The following SSBP3 variants were observed in gnomAD, a reference collection of about 807,000 sequenced individuals.
SSBP3 encodes the protein single-stranded DNA-binding protein 3.
A neutral mutation model predicts 69.6 loss-of-function variants in SSBP3; 5 were observed. That is an observed-to-expected ratio of 0.07 (90% CI 0.04 to 0.15). The LOEUF (loss-of-function observed/expected upper bound fraction) is 0.15. Ranked by LOEUF, SSBP3 falls within the 10% of genes least tolerant of loss-of-function variation. The pLI is 1.00. For missense variants in SSBP3, 312 were observed against 534.0 expected (o/e 0.58, Z 4.10); for synonymous variants, 196 against 193.4 (o/e 1.01, Z -0.11).
chr1:54,235,448 A>ATTTTTTTTT (rs71580002), intron 14 of SSBP3, among the ~76,000 whole-genome samples: 18 of 69,918 alleles, frequency 2.6e-4, no homozygotes, highest in African/African-American at 7.2e-4. Context: ...TGCCCGGCTG[A>ATTTTTTTTT]TTTTTTTTTT....
At chr1:54,279,389 T>C (rs1291038467) in intron 5 of SSBP3, among the ~76,000 whole-genome samples, 2 of 152,208 alleles carry the variant, frequency 1.3e-5, no homozygotes, top group Non-Finnish European at 2.9e-5. Flanking sequence ...TGGACGATTA[T>C]ACCAAAGCAG....
intron 14 of SSBP3, chr1:54,238,800 T>G: frequency 2.7e-6 from 1 of 371,838 alleles, no homozygotes; most frequent in East Asian, 7.0e-5. Context: ...CACAGCCAGT[T>G]TGCTGGGCAG....
At chr1:54,393,424 T>A (rs1648639753) in intron 4 of SSBP3, among the ~76,000 whole-genome samples, 1 of 152,096 alleles carries the variant, frequency 6.6e-6, no homozygotes, top group Admixed American at 6.5e-5. Flanking sequence ...GCTGGCCCCT[T>A]ATTATCAATC....
At chr1:54,301,894 A>G (rs931328687) in intron 4 of SSBP3, among the ~76,000 whole-genome samples, 1 of 152,204 alleles carries the variant, frequency 6.6e-6, no homozygotes, top group African/African-American at 2.4e-5. Flanking sequence ...TGGGTTTAGA[A>G]TCCTACCCAA....
intron 4 of SSBP3, among the ~76,000 whole-genome samples, chr1:54,304,233 G>A (rs979824922): frequency 1.3e-5 from 2 of 152,208 alleles, no homozygotes; most frequent in African/African-American, 4.8e-5. Flanking sequence ...CTTCGACCTA[G>A]AGTCTTTGGC....
Position 54,250,414 on chromosome 1 carries a change from T to TG in SSBP3, c.651+1201dup, listed in dbSNP as rs553680069. ...GATGGAGCAGAGGGCTGTGGTTCTG[T>TG]GGGGCGGATTCTGGGATGGAGCAGA... On this transcript the variant is annotated intron_variant, in intron 9 of 17. Transcript: ENST00000610401. 2.3e-3 allele frequency among the ~76,000 whole-genome samples: 352 copies of TG among 151,554 alleles called. 3 individuals are homozygous for TG. Among genetic ancestry groups the TG allele is most frequent in the African/African-American group, 7.4e-3 (306 of 41,190 alleles).
intron 7 of SSBP3, among the ~76,000 whole-genome samples, chr1:54,255,150 C>CG (rs1346561193): frequency 0.094 from 125 of 1,332 alleles, 1 homozygote; most frequent in African/African-American, 0.23. Flanking sequence ...ATTTCTATTG[C>CG]GGGGGGGCGG....
intron 14 of SSBP3, among the ~76,000 whole-genome samples, chr1:54,229,916 A>G (rs1300621184): frequency 1.3e-5 from 2 of 152,210 alleles, no homozygotes; most frequent in African/African-American, 4.8e-5. Context: ...AGACAGCTGC[A>G]AAGTACAGCT....
At position 54,402,043 on chromosome 1, in the gene SSBP3, C is replaced by T. The variant is rs1039450524; in HGVS notation, c.192-98G>A. ...CATGGCGCTAACAGTACTAGGTCTCCCAAAGGCTCAATCCCACCTTATCAG... is the reference window on the plus strand; with the variant it reads ...CATGGCGCTAACAGTACTAGGTCTCTCAAAGGCTCAATCCCACCTTATCAG... On this transcript the variant is annotated intron_variant, in intron 3 of 17. Transcript: ENST00000610401. The T allele has an allele frequency of 6.9e-6, 7 of 1,016,208 alleles. No homozygotes were observed. The African/African-American group carries it at 9.5e-5, about 14-fold the overall frequency. The allele number at this position is 1,016,208 out of a possible 1,614,324, so 62.9% of individuals were successfully genotyped here. A position where few individuals can be genotyped will look rare whatever the true frequency, so the allele number is the denominator to read the frequency against.
intron 4 of SSBP3, among the ~76,000 whole-genome samples, chr1:54,302,235 C>T (rs538607138): frequency 2.6e-5 from 4 of 152,286 alleles, no homozygotes; most frequent in Admixed American, 6.5e-5. Flanking sequence ...CCCCTGCCCC[C>T]GGTGCTTAGT....
At chr1:54,228,459 C>A in exon 16 of SSBP3, 6 of 1,614,206 alleles carry the variant, frequency 3.7e-6, no homozygotes, top group Non-Finnish European at 5.1e-6. Context: ...TTTTGGAAGT[C>A]CGTCTATGTC....
intron 4 of SSBP3, among the ~76,000 whole-genome samples, chr1:54,284,185 C>T (rs1049974278): frequency 7.5e-5 from 11 of 145,948 alleles, no homozygotes; most frequent in Admixed American, 7.0e-4. Context: ...CCTCCCACCT[C>T]AGCTTCCCAA....
intron 4 of SSBP3, among the ~76,000 whole-genome samples, chr1:54,371,929 C>T (rs539543845): frequency 9.2e-5 from 14 of 152,316 alleles, no homozygotes; most frequent in African/African-American, 2.6e-4. Context: ...ACATCTCATA[C>T]AGCCAACTCC....
intron 4 of SSBP3, among the ~76,000 whole-genome samples, chr1:54,352,572 T>C (rs887912381): frequency 6.6e-6 from 1 of 152,124 alleles, no homozygotes. Flanking sequence ...TATGGGGTCT[T>C]ACTATAGTAA....
chr1:54,323,033 C>T (rs1308065105), intron 4 of SSBP3, among the ~76,000 whole-genome samples: 2 of 152,168 alleles, frequency 1.3e-5, no homozygotes, highest in Admixed American at 6.5e-5. Context: ...GGAGGAGACT[C>T]CAAACTTCCA....
chr1:54,232,039 T>G (rs1644388500), intron 14 of SSBP3, among the ~76,000 whole-genome samples: 1 of 152,212 alleles, frequency 6.6e-6, no homozygotes, highest in Non-Finnish European at 1.5e-5. Context: ...AAGGACACAG[T>G]TCAATCTCAT....
At chr1:54,232,188 G>A (rs1644391350) in intron 14 of SSBP3, among the ~76,000 whole-genome samples, 1 of 152,192 alleles carries the variant, frequency 6.6e-6, no homozygotes, top group Non-Finnish European at 1.5e-5. Flanking sequence ...AGGTGGACTA[G>A]TTAAATGATT....
intron 4 of SSBP3, among the ~76,000 whole-genome samples, chr1:54,394,185 G>C (rs1369890846): frequency 6.6e-6 from 1 of 152,208 alleles, no homozygotes; most frequent in Non-Finnish European, 1.5e-5. Flanking sequence ...CTGGACTATT[G>C]ATTAGGCTTG....
intron 5 of SSBP3, among the ~76,000 whole-genome samples, chr1:54,273,028 T>C (rs1334755539): frequency 2.6e-5 from 4 of 152,212 alleles, no homozygotes; most frequent in African/African-American, 4.8e-5. Context: ...AGTCCCATCC[T>C]GCACTTGGGA....
Sources: gnomAD v4.1 joint callset for allele counts (sites outside exome capture counted in the v4.1 genomes callset) on GRCh38, gnomAD v4.1.1 for gene constraint, MANE v1.5 for transcripts, NCBI Gene and HGNC (gene_info 2026-07-23, HGNC 2026-07-21) for gene names.